The following MYCBP2 variants were observed in gnomAD, a reference collection of about 807,000 sequenced individuals.
MYCBP2 encodes the protein MYC binding protein 2.
A neutral mutation model predicts 525.3 loss-of-function variants in MYCBP2; 120 were observed. The ratio of observed to expected loss-of-function variants is 0.23; its 90% CI spans 0.20 to 0.27. MYCBP2 has a LOEUF of 0.27. Ranked by LOEUF, MYCBP2 falls within the 10% of genes least tolerant of loss-of-function variation. The probability of loss-of-function intolerance (pLI) is 1.00; values close to 1 mark genes in which losing one functional copy is unlikely to be tolerated. For synonymous variants in MYCBP2, 1,894 were observed against 1,955.8 expected (o/e 0.97, Z 0.83); for missense variants, 4,149 against 5,657.1 (o/e 0.73, Z 8.55).
At chr13:77,263,020 G>T (rs2073555496) in intron 10 of MYCBP2, among the ~76,000 whole-genome samples, 1 of 151,892 alleles carries the variant, frequency 6.6e-6, no homozygotes. Flanking sequence ...ACCTGGAGTG[G>T]CATGGCAAGC....
chr13:77,252,499 A>C (rs2071391025), intron 14 of MYCBP2, among the ~76,000 whole-genome samples: 1 of 152,210 alleles, frequency 6.6e-6, no homozygotes, highest in South Asian at 2.1e-4. Flanking sequence ...ATAAGACCCT[A>C]TGACAGGAGA....
intron 52 of MYCBP2, among the ~76,000 whole-genome samples, chr13:77,131,408 A>G (rs906878653): frequency 6.6e-6 from 1 of 151,926 alleles, no homozygotes; most frequent in Non-Finnish European, 1.5e-5. Flanking sequence ...AGTCACAGCT[A>G]CGTGGGAAGC....
At chr13:77,127,551 T>C (rs961536647) in intron 52 of MYCBP2, among the ~76,000 whole-genome samples, 2 of 151,876 alleles carry the variant, frequency 1.3e-5, no homozygotes, top group Non-Finnish European at 2.9e-5. Context: ...CATATTCAGA[T>C]AGAGTAATAG....
chr13:77,155,409 A>C (rs2057088104), intron 46 of MYCBP2, among the ~76,000 whole-genome samples: 1 of 152,144 alleles, frequency 6.6e-6, no homozygotes, highest in African/African-American at 2.4e-5. Context: ...AGGGCTGGGG[A>C]CTGCCTATAT....
intron 68 of MYCBP2, among the ~76,000 whole-genome samples, chr13:77,072,916 T>C (rs2041623969): frequency 1.3e-5 from 2 of 152,198 alleles, no homozygotes; most frequent in African/African-American, 4.8e-5. Context: ...TTAGATTATA[T>C]ATGAGTCTCT....
chr13:77,192,814 C>T (rs917174841), intron 27 of MYCBP2, among the ~76,000 whole-genome samples: 5 of 152,046 alleles, frequency 3.3e-5, no homozygotes, highest in Admixed American at 1.3e-4. Context: ...TTTATATTTT[C>T]GACTCAAACT....
intron 55 of MYCBP2, among the ~76,000 whole-genome samples, chr13:77,114,028 G>A (rs1193151485): frequency 6.6e-6 from 1 of 152,126 alleles, no homozygotes; most frequent in East Asian, 1.9e-4. Context: ...ACAACAAACT[G>A]ACAAATACAG....
At chr13:77,076,696 A>G in intron 68 of MYCBP2, 55 bp downstream of exon 68, 1 of 1,067,326 alleles carries the variant, frequency 9.4e-7, no homozygotes, top group Non-Finnish European at 1.4e-6. Context: ...GAATTATTTC[A>G]CTGAAAAAAA....
At chr13:77,054,843 T>G (rs531427000) in intron 80 of MYCBP2, among the ~76,000 whole-genome samples, 1 of 152,108 alleles carries the variant, frequency 6.6e-6, no homozygotes, top group Non-Finnish European at 1.5e-5. Context: ...TCAAGAAATC[T>G]GCCCACCTTG....
At chr13:77,282,871 C>T (rs2076341585) in intron 3 of MYCBP2, among the ~76,000 whole-genome samples, 1 of 152,074 alleles carries the variant, frequency 6.6e-6, no homozygotes, top group Admixed American at 6.5e-5. Flanking sequence ...TCGTTATAGC[C>T]AATTTATTAC....
chr13:77,059,666 G>T, intron 76 of MYCBP2, 40 bp from the exon 77 acceptor site: 1 of 1,431,616 alleles, frequency 7.0e-7, no homozygotes, highest in Non-Finnish European at 9.9e-7. Flanking sequence ...TCTTATGGAT[G>T]TTTTCTAGAT....
At chr13:77,251,415 T>A in intron 14 of MYCBP2, 60 bp from the exon 15 acceptor site, 2 of 1,387,280 alleles carry the variant, frequency 1.4e-6, no homozygotes, top group African/African-American at 2.8e-5. Context: ...AAAAGATGGA[T>A]GACTATATTT....
intron 17 of MYCBP2, among the ~76,000 whole-genome samples, chr13:77,241,014 T>C (rs546649968): frequency 6.6e-6 from 1 of 152,332 alleles, no homozygotes; most frequent in South Asian, 2.1e-4. Context: ...TGAAACCTAT[T>C]TGTCACAAAA....
At position 77,059,046 on chromosome 13, in the gene MYCBP2, T is replaced by C. The variant is rs572830778; in HGVS notation, c.13140+477A>G. On this transcript the variant is annotated intron_variant, in intron 77 of 82. Coordinates refer to ENST00000544440, the MANE Select transcript of MYCBP2 (RefSeq NM_015057.5). ...AATTTCCCAGTCACCACTCTCCGCA[T>C]CACCAAAATGCAGATTTTTTTTTTT... 7.9e-5 allele frequency among the ~76,000 whole-genome samples: 12 copies of C among 150,998 alleles called. No individual in the cohort carries two copies. The East Asian group carries it at 2.2e-3, about 27-fold the overall frequency.
Position 77,217,962 on chromosome 13 carries a change from G to C in MYCBP2, c.2940-5C>G. 6.5e-7 allele frequency: 1 copy of C among 1,535,508 alleles called. No individual in the cohort carries two copies. ...TGAACAAGAGTGGGACATCCCCTAG[G>C]TTAAAAAAAAAAAAAGTAAGTCAAT... On this transcript the variant is annotated splice_polypyrimidine_tract_variant and splice_region_variant and intron_variant, in intron 20 of 82. Transcript: ENST00000544440.
chr13:77,291,767 C>CA (rs112850991), intron 2 of MYCBP2, among the ~76,000 whole-genome samples: 284 of 103,974 alleles, frequency 2.7e-3, no homozygotes, highest in East Asian at 7.1e-3. Context: ...AACTCTGTCT[C>CA]AAAAAAAAAA....
At chr13:77,283,468 G>A (rs984310869) in intron 3 of MYCBP2, among the ~76,000 whole-genome samples, 9 of 152,106 alleles carry the variant, frequency 5.9e-5, no homozygotes, top group African/African-American at 1.9e-4. Flanking sequence ...CTAATATAAT[G>A]CTGGCTACAA....
chr13:77,188,901 G>T (rs1462246170), intron 30 of MYCBP2, 50 bp downstream of exon 30: 6 of 1,245,354 alleles, frequency 4.8e-6, no homozygotes, highest in East Asian at 2.6e-5. Context: ...ACATCAAAAT[G>T]TATCTGAGGA....
intron 52 of MYCBP2, among the ~76,000 whole-genome samples, chr13:77,138,567 T>C (rs1272017550): frequency 6.6e-6 from 1 of 152,208 alleles, no homozygotes; most frequent in Non-Finnish European, 1.5e-5. Flanking sequence ...CTGGTTAATA[T>C]ATAAAACGAA....
Sources: gnomAD v4.1 joint callset for allele counts (sites outside exome capture counted in the v4.1 genomes callset) on GRCh38, gnomAD v4.1.1 for gene constraint, MANE v1.5 for transcripts, NCBI Gene and HGNC (gene_info 2026-07-23, HGNC 2026-07-21) for gene names.